The following ZDHHC2 variants were observed in gnomAD, a reference collection of about 807,000 sequenced individuals.
ZDHHC2 encodes the protein palmitoyltransferase ZDHHC2.
ZDHHC2 carries 51 observed loss-of-function variants against 55.6 expected under a neutral mutation model. That is an observed-to-expected ratio of 0.92 (90% CI 0.73 to 1.16). The LOEUF is 1.16. Among genes scored for constraint, ZDHHC2 ranks in the 50% most tolerant of loss-of-function variants. The pLI, the probability that ZDHHC2 is intolerant of heterozygous loss-of-function variation, is 0.00. For missense variants in ZDHHC2, 491 were observed against 442.4 expected (o/e 1.11, Z -0.99); for synonymous variants, 199 against 152.9 (o/e 1.30, Z -2.22).
intron 1 of ZDHHC2, among the ~76,000 whole-genome samples, chr8:17,178,813 T>TA (rs1411159133): frequency 6.6e-6 from 1 of 152,224 alleles, no homozygotes; most frequent in African/African-American, 2.4e-5. Flanking sequence ...ACTTCAATTT[T>TA]ACCTGTTTTA....
rs1438029717 is a variant in ZDHHC2, at chr8:17,163,191, C to T, written c.130+6338C>T. On this transcript the variant is annotated intron_variant, in intron 1 of 12. Coordinates refer to ENST00000262096, the MANE Select transcript of ZDHHC2 (RefSeq NM_016353.5). ...CGAGTGAAGCGGAGCTGACGTTGCA[C>T]CTGAGGAACAGCCTTTGGAAAGAGC... is the stretch of plus-strand genomic sequence containing the variant. Among the ~76,000 whole-genome samples, 8 of 152,168 alleles carry T rather than the reference C, an allele frequency of 5.3e-5. No individual in the cohort carries two copies. In the East Asian group the frequency reaches 9.7e-4, roughly 18 times the overall value.
In ZDHHC2 at chr8:17,210,444, C is replaced by T. The variant is rs1410599830; in HGVS notation, c.914C>T (p.Ala305Val). 4.3e-6 allele frequency: 7 copies of T among 1,612,936 alleles called. No individual in the cohort carries two copies. The highest frequency in any genetic ancestry group is 5.9e-6 in the Non-Finnish European group (7 of 1,179,432). ...CTTGTTAACCAGGATCCTGAACAAG[C>T]ATCTACTCCTGCAGGGCTGAATTCC... ...TCLVNQDPEQASTPAGLNSTA... is the reference protein window; with the variant it reads ...TCLVNQDPEQVSTPAGLNSTA... Residue 305 changes from alanine (A) to valine (V), a missense_variant, in exon 10 of 13, where the codon GCA (alanine) becomes GTA (valine). Coordinates refer to ENST00000262096, the MANE Select transcript of ZDHHC2 (RefSeq NM_016353.5).
intron 1 of ZDHHC2, among the ~76,000 whole-genome samples, chr8:17,181,307 A>G (rs1487218446): frequency 6.6e-6 from 1 of 152,196 alleles, no homozygotes; most frequent in Non-Finnish European, 1.5e-5. Context: ...TTAATGAGGA[A>G]TTAATTTTAA....
intron 1 of ZDHHC2, among the ~76,000 whole-genome samples, chr8:17,160,959 C>T (rs2150874793): frequency 6.6e-6 from 1 of 152,354 alleles, no homozygotes; most frequent in East Asian, 1.9e-4. Flanking sequence ...TGAGGTTTTA[C>T]TCGCAGTTTT....
Position 17,223,325 on chromosome 8 carries a change from C to G in ZDHHC2, c.*3104C>G, listed in dbSNP as rs1807995632. The stretch of plus-strand genomic sequence containing the variant: ...TTACGTTGTAAATCATGATGGTGTC[C>G]TCCAGCACAACCATCCCACCCACAC... On this transcript the variant is annotated 3_prime_UTR_variant, in exon 13 of 13. Coordinates refer to ENST00000262096, the MANE Select transcript of ZDHHC2 (RefSeq NM_016353.5). The G allele has an allele frequency of 6.6e-6, 1 of 151,780 alleles. No individual in the cohort carries two copies. Among genetic ancestry groups the G allele is most frequent in the South Asian group, 2.1e-4 (1 of 4,834 alleles). The allele number at this position is 151,780 out of a possible 1,614,324, so 9.4% of individuals were successfully genotyped here. A position where few individuals can be genotyped will look rare whatever the true frequency, so the allele number is the denominator to read the frequency against.
At chr8:17,165,697 G>A (rs1489533509) in intron 1 of ZDHHC2, among the ~76,000 whole-genome samples, 1 of 152,138 alleles carries the variant, frequency 6.6e-6, no homozygotes, top group Admixed American at 6.5e-5. Flanking sequence ...AAGTACATTA[G>A]ACAGTTTGTT....
chr8:17,167,222 A>T (rs775315396), intron 1 of ZDHHC2, among the ~76,000 whole-genome samples: 1 of 151,858 alleles, frequency 6.6e-6, no homozygotes, highest in Non-Finnish European at 1.5e-5. Context: ...TGAATCCTAC[A>T]TGAGGGGATC....
chr8:17,212,102 A>G (rs1165123836), intron 10 of ZDHHC2, among the ~76,000 whole-genome samples: 1 of 152,126 alleles, frequency 6.6e-6, no homozygotes, highest in Non-Finnish European at 1.5e-5. Flanking sequence ...AAGTTAAATA[A>G]TCTTTTGAGG....
chr8:17,167,856 A>G (rs1478868443), intron 1 of ZDHHC2, among the ~76,000 whole-genome samples: 1 of 143,080 alleles, frequency 7.0e-6, no homozygotes, highest in Non-Finnish European at 1.5e-5. Context: ...CAAAAAAATG[A>G]GTGAAATGCA....
intron 10 of ZDHHC2, 100 bp downstream of exon 10, chr8:17,210,580 G>A: frequency 1.0e-6 from 1 of 959,148 alleles, no homozygotes; most frequent in Non-Finnish European, 1.5e-6. Flanking sequence ...AAGACCATAA[G>A]AAAATTTACT....
At chr8:17,171,144 G>C (rs1003740560) in intron 1 of ZDHHC2, among the ~76,000 whole-genome samples, 2 of 152,158 alleles carry the variant, frequency 1.3e-5, no homozygotes, top group East Asian at 1.9e-4. Context: ...TGGAAAGGAG[G>C]GGGGTGGGGC....
chr8:17,160,741 T>A (rs1269559106), intron 1 of ZDHHC2, among the ~76,000 whole-genome samples: 2 of 152,246 alleles, frequency 1.3e-5, no homozygotes, highest in African/African-American at 4.8e-5. Context: ...CTTTGTAGTT[T>A]GGGGCTATAT....
Position 17,184,724 on chromosome 8 carries a change from T to C in ZDHHC2, c.131-65T>C, listed in dbSNP as rs1406840472. Reference sequence around the variant, plus strand: ...ATTATTAAGCTACTTAAATGCCTTATGTCTGTGTCAAGCCCCGTTTGCCAT... The same window carrying C: ...ATTATTAAGCTACTTAAATGCCTTACGTCTGTGTCAAGCCCCGTTTGCCAT... On this transcript the variant is annotated intron_variant, in intron 1 of 12. Coordinates refer to ENST00000262096, the MANE Select transcript of ZDHHC2 (RefSeq NM_016353.5). The C allele has an allele frequency of 2.2e-6, 3 of 1,360,058 alleles. No individual in the cohort carries two copies. The East Asian group carries it at 7.5e-5, about 34-fold the overall frequency. 84.2% of individuals were successfully genotyped at this position (1,360,058 alleles called of 1,614,324 possible). A position where few individuals can be genotyped will look rare whatever the true frequency, so the allele number is the denominator to read the frequency against.
At chr8:17,159,319 A>G (rs1435176802) in intron 1 of ZDHHC2, among the ~76,000 whole-genome samples, 2 of 152,128 alleles carry the variant, frequency 1.3e-5, no homozygotes, top group African/African-American at 4.8e-5. Context: ...TCCATAAAAC[A>G]TTGGCCAAGG....
At chr8:17,177,118 A>T (rs1805178608) in intron 1 of ZDHHC2, among the ~76,000 whole-genome samples, 1 of 152,226 alleles carries the variant, frequency 6.6e-6, no homozygotes, top group Admixed American at 6.5e-5. Context: ...CAATTTTGTC[A>T]AAGAATTCTC....
In ZDHHC2 at chr8:17,209,992, T is replaced by C; in HGVS notation, c.791T>C (p.Phe264Ser). The C allele has an allele frequency of 6.2e-7, 1 of 1,611,616 alleles. No homozygotes were observed. The highest frequency in any genetic ancestry group is 1.3e-5 in the African/African-American group (1 of 75,010). ...GATAAGAATGGATTCAGCTTGGGTT[T>C]CAGTAAAAACATGCGACAAGTTTTT... Reference protein sequence around the residue: ...GTDKNGFSLGFSKNMRQVFGD... With the variant: ...GTDKNGFSLGSSKNMRQVFGD... The change falls in exon 9 of 13, where the codon TTC becomes TCC. Residue 264 changes from phenylalanine (F) to serine (S), a missense_variant. Physicochemically the swap from Phe to Ser is radical, Grantham distance 155. Transcript: ENST00000262096.
In ZDHHC2 at chr8:17,168,539, A is replaced by G. The variant is rs185515983; in HGVS notation, c.130+11686A>G. Among the ~76,000 whole-genome samples, 454 of 152,234 alleles carry G rather than the reference A, an allele frequency of 3.0e-3. 2 individuals are homozygous for G. The highest frequency in any genetic ancestry group is 0.01 in the African/African-American group (425 of 41,540). On this transcript the variant is annotated intron_variant, in intron 1 of 12. Transcript: ENST00000262096. ...ATTTTAACCATTTTTAAGTATACAG[A>G]TTAGTGTCATTAAGTACATTCAAAA... is the stretch of plus-strand genomic sequence containing the variant.
At chr8:17,170,277 C>G (rs1021755121) in intron 1 of ZDHHC2, among the ~76,000 whole-genome samples, 5 of 152,194 alleles carry the variant, frequency 3.3e-5, no homozygotes, top group Non-Finnish European at 7.3e-5. Flanking sequence ...GCTGGATACT[C>G]TCGAATGTTT....
intron 11 of ZDHHC2, among the ~76,000 whole-genome samples, 190 bp from the exon 12 acceptor site, chr8:17,216,982 T>G (rs527586336): frequency 1.3e-5 from 2 of 152,232 alleles, no homozygotes; most frequent in East Asian, 1.9e-4. Context: ...GGGAGAGAGA[T>G]AGTGGTTGTA....
Sources: gnomAD v4.1 joint callset for allele counts (sites outside exome capture counted in the v4.1 genomes callset) on GRCh38, gnomAD v4.1.1 for gene constraint, MANE v1.5 for transcripts, NCBI Gene and HGNC (gene_info 2026-07-23, HGNC 2026-07-21) for gene names.